WDR20: variants seen among roughly 807,000 people sequenced by gnomAD.
The protein encoded by WDR20 is WD repeat-containing protein 20.
WDR20 carries 3 observed loss-of-function variants against 38.7 expected under a neutral mutation model. That is an observed-to-expected ratio of 0.08 (90% CI 0.04 to 0.20). The LOEUF (loss-of-function observed/expected upper bound fraction) is 0.20. Among genes scored for constraint, WDR20 ranks in the 10% least tolerant of loss-of-function variants. WDR20 has a pLI of 1.00. For missense variants in WDR20, 559 were observed against 727.7 expected (o/e 0.77, Z 2.67); for synonymous variants, 298 against 285.6 (o/e 1.04, Z -0.44).
chr14:102,204,897 G>A (rs1335631155), intron 2 of WDR20, among the ~76,000 whole-genome samples: 1 of 152,164 alleles, frequency 6.6e-6, no homozygotes, highest in Non-Finnish European at 1.5e-5. Context: ...TGAATACTCT[G>A]CAGCTTTAGA....
In WDR20 at chr14:102,208,647, C is replaced by T. The variant is rs752877316; in HGVS notation, c.477C>T (p.Pro159=). 1.4e-5 allele frequency: 22 copies of T among 1,612,336 alleles called. No individual in the cohort carries two copies. Among genetic ancestry groups the T allele is most frequent in the African/African-American group, 2.7e-5 (2 of 74,906 alleles). Residue 159 remains proline (P), a synonymous_variant, in exon 3 of 3, where the codon CCC becomes CCT. Coordinates refer to ENST00000342702, the MANE Select transcript of WDR20 (RefSeq NM_144574.4). This position sits in a 1 kb window ranked among gnomAD's most constrained non-coding sequence, Gnocchi z 5.6. ...KSRVTCVKWV[P]GSESLFLVAH... Reference sequence around the variant, plus strand: ...GAGTTACCTGTGTCAAATGGGTTCCCGGTTCGGAAAGCCTTTTCCTAGTAG... The same window carrying T: ...GAGTTACCTGTGTCAAATGGGTTCCTGGTTCGGAAAGCCTTTTCCTAGTAG...
intron 1 of WDR20, chr14:102,167,694 A>G (rs1216055732): frequency 1.3e-5 from 2 of 152,198 alleles, no homozygotes; most frequent in African/African-American, 4.8e-5. Context: ...CCGTCTACCA[A>G]GTCGCCTCTC....
downstream of WDR20, among the ~76,000 whole-genome samples, chr14:102,219,791 C>T (rs1340108351): frequency 4.6e-5 from 7 of 152,196 alleles, no homozygotes; most frequent in Admixed American, 3.3e-4. Flanking sequence ...ATCAAAAGGG[C>T]GAAGCCTGCT....
chr14:102,148,066 G>A (rs760355276), intron 1 of WDR20, among the ~76,000 whole-genome samples: 6 of 152,158 alleles, frequency 3.9e-5, no homozygotes, highest in East Asian at 1.9e-4. Flanking sequence ...GATTTTTGTC[G>A]TCTGGAATTT....
chr14:102,149,716 C>T (rs1028762992), intron 1 of WDR20, among the ~76,000 whole-genome samples: 10 of 152,228 alleles, frequency 6.6e-5, no homozygotes, highest in Admixed American at 1.3e-4. Flanking sequence ...TTATTTGAGA[C>T]GGAGTCTCAC....
At chr14:102,156,810 A>G (rs917670568) in intron 1 of WDR20, among the ~76,000 whole-genome samples, 2 of 151,988 alleles carry the variant, frequency 1.3e-5, no homozygotes, top group African/African-American at 4.8e-5. Context: ...AGCCTGACCA[A>G]CATGGTGAAA....
At chr14:102,219,710 C>G (rs950574617), downstream of WDR20, among the ~76,000 whole-genome samples, 1 of 152,208 alleles carries the variant, frequency 6.6e-6, no homozygotes, top group Non-Finnish European at 1.5e-5. Flanking sequence ...GCATGGGGAC[C>G]CTGAGTTTTG....
At chr14:102,145,989 GTT>G (rs560019415) in intron 1 of WDR20, among the ~76,000 whole-genome samples, 2 of 135,552 alleles carry the variant, frequency 1.5e-5, no homozygotes. Flanking sequence ...GTACTCAGTT[GTT>G]TTTTTTTTTT....
chr14:102,204,842 A>G (rs962340753), intron 2 of WDR20, among the ~76,000 whole-genome samples: 1 of 152,242 alleles, frequency 6.6e-6, no homozygotes, highest in Admixed American at 6.5e-5. Flanking sequence ...ATAGATGTCC[A>G]TCAGTGGGGC....
chr14:102,198,092 G>A (rs1265146860), intron 2 of WDR20: 4 of 330,498 alleles, frequency 1.2e-5, no homozygotes, highest in Non-Finnish European at 2.2e-5. Flanking sequence ...AATCACAGAG[G>A]TCTACTTTAT....
At chr14:102,219,981 G>A (rs1297799019), downstream of WDR20, among the ~76,000 whole-genome samples, 2 of 152,246 alleles carry the variant, frequency 1.3e-5, no homozygotes, top group African/African-American at 4.8e-5. Context: ...GCATCAAGGC[G>A]TTAGCCAGCA....
intron 1 of WDR20, among the ~76,000 whole-genome samples, chr14:102,183,607 T>C (rs1028833485): frequency 1.3e-5 from 2 of 152,230 alleles, no homozygotes; most frequent in African/African-American, 4.8e-5. Flanking sequence ...GTTGTAAGCA[T>C]TATGAACCTT....
chr14:102,142,553 A>G (rs919856401), intron 1 of WDR20, among the ~76,000 whole-genome samples: 3 of 152,070 alleles, frequency 2.0e-5, no homozygotes, highest in Non-Finnish European at 4.4e-5. Flanking sequence ...TCCTGGGCTC[A>G]AATGATCTTC....
chr14:102,206,547 A>G (rs2061572822), intron 2 of WDR20, among the ~76,000 whole-genome samples: 1 of 152,224 alleles, frequency 6.6e-6, no homozygotes, highest in Non-Finnish European at 1.5e-5. Flanking sequence ...AAATAGAGTA[A>G]CAATGAAGTG....
At chr14:102,219,377 C>A (rs2063618173), downstream of WDR20, among the ~76,000 whole-genome samples, 1 of 152,218 alleles carries the variant, frequency 6.6e-6, no homozygotes. Context: ...GCGCCGAGGC[C>A]CCTTCCCTGC....
At chr14:102,148,002 A>T (rs2054292854) in intron 1 of WDR20, among the ~76,000 whole-genome samples, 1 of 152,220 alleles carries the variant, frequency 6.6e-6, no homozygotes, top group Admixed American at 6.5e-5. Flanking sequence ...AAGTGCTGGG[A>T]TTACAGGCGT....
At chr14:102,197,747 T>C in intron 2 of WDR20, 1 of 700,438 alleles carries the variant, frequency 1.4e-6, no homozygotes, top group South Asian at 1.5e-5. Flanking sequence ...TCAAATGTGT[T>C]TTTTTAGAAC....
chr14:102,189,196 C>T (rs1362135473), intron 1 of WDR20, among the ~76,000 whole-genome samples: 2 of 151,884 alleles, frequency 1.3e-5, no homozygotes, highest in South Asian at 2.1e-4. Context: ...GGTAATAGAG[C>T]GAGACCCTGT....
intron 1 of WDR20, among the ~76,000 whole-genome samples, chr14:102,151,165 A>G (rs1007383964): frequency 7.0e-6 from 1 of 143,356 alleles, no homozygotes; most frequent in Non-Finnish European, 1.5e-5. Context: ...AAAACCATCC[A>G]TTGGGGAATT....
Sources: gnomAD v4.1 joint callset for allele counts (sites outside exome capture counted in the v4.1 genomes callset) on GRCh38, gnomAD v4.1.1 for gene constraint, Gnocchi (gnomAD v3.1) non-coding constraint, MANE v1.5 for transcripts, NCBI Gene and HGNC (gene_info 2026-07-23, HGNC 2026-07-21) for gene names.